The following DDHD1 variants were observed in gnomAD, a reference collection of about 807,000 sequenced individuals.
DDHD1 encodes DDHD domain containing 1, also known as phospholipase DDHD1.
Under a neutral mutation model 96.4 loss-of-function variants are expected in DDHD1, and 49 were observed. The ratio of observed to expected loss-of-function variants is 0.51; its 90% CI spans 0.40 to 0.64. The LOEUF (loss-of-function observed/expected upper bound fraction) is 0.64. Ranked by LOEUF, DDHD1 falls within the 30% of genes least tolerant of loss-of-function variation. The pLI, the probability that DDHD1 is intolerant of heterozygous loss-of-function variation, is 0.00. For missense variants in DDHD1, 1,106 were observed against 1,161.2 expected (o/e 0.95, Z 0.69); for synonymous variants, 442 against 446.5 (o/e 0.99, Z 0.13).
At chr14:53,107,658 G>T (rs1051044221) in intron 1 of DDHD1, among the ~76,000 whole-genome samples, 7 of 152,172 alleles carry the variant, frequency 4.6e-5, no homozygotes, top group African/African-American at 1.7e-4. Flanking sequence ...AGGCATGGTG[G>T]TACACACCTA....
intron 1 of DDHD1, among the ~76,000 whole-genome samples, chr14:53,106,031 C>T (rs1887667128): frequency 6.6e-6 from 1 of 151,790 alleles, no homozygotes; most frequent in African/African-American, 2.4e-5. Flanking sequence ...TTTTTGCCTA[C>T]TTTACCTTTT....
chr14:53,153,016 G>C lies in DDHD1; in HGVS notation c.83C>G (p.Ser28Ter). The C allele has an allele frequency of 6.5e-7, 1 of 1,528,128 alleles. No homozygotes were observed. The highest frequency in any genetic ancestry group is 8.8e-7 in the Non-Finnish European group (1 of 1,141,038). The allele number at this position is 1,528,128 out of a possible 1,614,324, so 94.7% of individuals were successfully genotyped here. A position where few individuals can be genotyped will look rare whatever the true frequency, so the allele number is the denominator to read the frequency against. Residue 28 changes from serine (S) to a stop codon, truncating the protein, a stop_gained, in exon 1 of 13, where the codon TCA (serine) becomes TGA (stop). Transcript: ENST00000673822. LOFTEE classifies it high-confidence loss of function. ...GCCGCCGAACGCTGGCCTCGCGTCTGAGCCCAGCTCCCAGGCGCCGCCGCC... is the reference window on the plus strand; with the variant it reads ...GCCGCCGAACGCTGGCCTCGCGTCTCAGCCCAGCTCCCAGGCGCCGCCGCC... Reference protein sequence around the residue: ...GGGGGAWELGSDARPAFGGGV... With the variant: ...GGGGGAWELG
chr14:53,152,744 G>C lies in DDHD1; in HGVS notation c.355C>G (p.Pro119Ala), dbSNP rs1891532952. The C allele has an allele frequency of 6.3e-7, 1 of 1,582,882 alleles. No individual in the cohort carries two copies. The highest frequency in any genetic ancestry group is 1.1e-5 in the South Asian group (1 of 89,100). The change falls in exon 1 of 13, where the codon CCG becomes GCG. Residue 119 changes from proline (P) to alanine (A), a missense_variant. This residue lies in a region of DDHD1 where 456 missense variants were observed against 402.4 expected (regional missense o/e 1.13). Coordinates refer to ENST00000673822, the MANE Select transcript of DDHD1 (RefSeq NM_001160148.2). ...GGGACCAGCGGAGGCTGCTGCGGCG[G>C]GTGCAGCGACAAGGAGCTGCCGCCG... Reference protein sequence around the residue: ...GGGGSSLSLHPPQQPPLVPTN... With the variant: ...GGGGSSLSLHAPQQPPLVPTN...
chr14:53,054,970 A>G (rs956303822), intron 10 of DDHD1, among the ~76,000 whole-genome samples: 2 of 152,252 alleles, frequency 1.3e-5, no homozygotes, highest in Non-Finnish European at 2.9e-5. Context: ...TAGATTTACT[A>G]TTGATATACT....
intron 2 of DDHD1, among the ~76,000 whole-genome samples, chr14:53,094,471 CAGG>C (rs1886704703): frequency 1.3e-5 from 2 of 152,182 alleles, no homozygotes; most frequent in South Asian, 4.1e-4. Flanking sequence ...GAGGCTTAGG[CAGG>C]AGGATCACTG....
intron 1 of DDHD1, among the ~76,000 whole-genome samples, chr14:53,135,088 G>C (rs899635141): frequency 3.9e-5 from 6 of 152,028 alleles, no homozygotes; most frequent in African/African-American, 1.4e-4. Flanking sequence ...CCACCATTTT[G>C]TTTTGTTTTT....
intron 1 of DDHD1, among the ~76,000 whole-genome samples, chr14:53,134,225 C>A (rs143549746): frequency 2.0e-5 from 3 of 152,240 alleles, no homozygotes; most frequent in Non-Finnish European, 4.4e-5. Flanking sequence ...CCATTCTCAA[C>A]TACTCGTAAA....
At chr14:53,152,115 T>TAATAG in intron 1 of DDHD1, 146 bp downstream of exon 1, 4 of 789,742 alleles carry the variant, frequency 5.1e-6, no homozygotes, top group Admixed American at 3.6e-5. Context: ...CTGCCGACGC[T>TAATAG]CCCTGCTCAA....
At position 53,152,716 on chromosome 14, in the gene DDHD1, G is replaced by T. The variant is rs769034450; in HGVS notation, c.383C>A (p.Thr128Lys). The change falls in exon 1 of 13, where the codon ACG (threonine) becomes AAG (lysine). Residue 128 changes from threonine (T) to lysine (K), a missense_variant. Physicochemically the swap from Thr to Lys is moderately conservative, Grantham distance 78. Transcript: ENST00000673822. Reference sequence around the variant, plus strand: ...TGTCGCGCCGCCGCCCCCCGAGTTCGTCGGGACCAGCGGAGGCTGCTGCGG... The same window carrying T: ...TGTCGCGCCGCCGCCCCCCGAGTTCTTCGGGACCAGCGGAGGCTGCTGCGG... ...HPPQQPPLVP[T>K]NSGGGGATGG... 4 of 1,606,868 alleles carry T rather than the reference G, an allele frequency of 2.5e-6. No homozygotes were observed. Among genetic ancestry groups the T allele is most frequent in the Non-Finnish European group, 3.4e-6 (4 of 1,176,674 alleles).
intron 3 of DDHD1, chr14:53,092,193 C>T (rs992811110): frequency 1.5e-5 from 4 of 259,278 alleles, no homozygotes; most frequent in Admixed American, 1.0e-4. Context: ...AAATTTAAAG[C>T]TTCTATATTA....
chr14:53,098,687 C>T (rs903738471), intron 2 of DDHD1, among the ~76,000 whole-genome samples: 3 of 152,066 alleles, frequency 2.0e-5, no homozygotes, highest in African/African-American at 7.2e-5. Flanking sequence ...AGCACCCCTC[C>T]ATCTTTTTAA....
At chr14:53,109,575 G>T (rs965601469) in intron 1 of DDHD1, among the ~76,000 whole-genome samples, 6 of 152,104 alleles carry the variant, frequency 3.9e-5, no homozygotes, top group Non-Finnish European at 8.8e-5. Context: ...TATGGTTTCT[G>T]TGTATATATA....
intron 1 of DDHD1, 117 bp downstream of exon 1, chr14:53,152,144 C>CGTATCATTAA: frequency 9.3e-7 from 1 of 1,078,242 alleles, no homozygotes; most frequent in African/African-American, 1.6e-5. Flanking sequence ...CTGCCCCAGC[C>CGTATCATTAA]AAACGCCAGG....
intron 1 of DDHD1, among the ~76,000 whole-genome samples, chr14:53,132,566 G>C (rs1022606138): frequency 6.6e-6 from 1 of 152,054 alleles, no homozygotes; most frequent in Non-Finnish European, 1.5e-5. Context: ...TCTTAACTCA[G>C]GCCCTCACTC....
Position 53,055,793 on chromosome 14 carries a change from G to A in DDHD1, c.2112C>T (p.Asn704=), listed in dbSNP as rs749793040. 12 of 1,613,928 alleles carry A rather than the reference G, an allele frequency of 7.4e-6. No homozygotes were observed. Among genetic ancestry groups the A allele is most frequent in the Non-Finnish European group, 9.3e-6 (11 of 1,180,010 alleles). Residue 704 remains asparagine (N), a synonymous_variant, in exon 10 of 13, where the codon AAC becomes AAT. Transcript: ENST00000673822. ...AAACTGAGGTAGGTTCTTTAGCTGGGTTGAGAAAGCTTGGCTTCATATGTT... is the reference window on the plus strand; with the variant it reads ...AAACTGAGGTAGGTTCTTTAGCTGGATTGAGAAAGCTTGGCTTCATATGTT... ...PYEHMKPSFL[N]PAKEPTSVSE...
rs930249549 is a variant in DDHD1 at position 53,134,664 on chromosome 14, T to A, written c.838+17597A>T. Among the ~76,000 whole-genome samples the A allele has an allele frequency of 4.0e-5, 6 of 150,352 alleles. No individual in the cohort carries two copies. In the South Asian group the frequency reaches 1.3e-3, roughly 32 times the overall value. ...AGAGTGTTGTTTTTACCTAAATCAATCTGGCCTGGTATATGACAACATAAA... is the reference window on the plus strand; with the variant it reads ...AGAGTGTTGTTTTTACCTAAATCAAACTGGCCTGGTATATGACAACATAAA... On this transcript the variant is annotated intron_variant, in intron 1 of 12. Coordinates refer to ENST00000673822, the MANE Select transcript of DDHD1 (RefSeq NM_001160148.2).
chr14:53,048,272 A>G (rs1480430728), intron 12 of DDHD1, among the ~76,000 whole-genome samples: 1 of 152,018 alleles, frequency 6.6e-6, no homozygotes, highest in East Asian at 1.9e-4. Context: ...TGGTATAAAT[A>G]CCAATTAGGT....
chr14:53,075,554 G>A (rs116363136), intron 4 of DDHD1, among the ~76,000 whole-genome samples: 1,593 of 152,266 alleles, frequency 0.01, 32 homozygotes, highest in African/African-American at 0.035. Flanking sequence ...AAAAGTGCGA[G>A]GTAAGTGCTA....
intron 1 of DDHD1, among the ~76,000 whole-genome samples, chr14:53,146,591 A>G (rs764830609): frequency 1.3e-5 from 2 of 152,140 alleles, no homozygotes; most frequent in Non-Finnish European, 2.9e-5. Flanking sequence ...CTTTTACACA[A>G]TCATATCAAT....
Sources: gnomAD v4.1 joint callset for allele counts (sites outside exome capture counted in the v4.1 genomes callset) on GRCh38, gnomAD v4.1.1 for gene constraint, gnomAD v4.1.1 regional missense constraint, MANE v1.5 for transcripts, NCBI Gene and HGNC (gene_info 2026-07-23, HGNC 2026-07-21) for gene names.